Variants in ADAM17 observed in about 807,000 individuals in gnomAD.
ADAM17 encodes the protein disintegrin and metalloproteinase domain-containing protein 17.
ADAM17 carries 39 observed loss-of-function variants against 96.7 expected under a neutral mutation model. The observed-to-expected ratio is 0.40, with a 90% CI of 0.31 to 0.53. The LOEUF (loss-of-function observed/expected upper bound fraction) is 0.53, where lower values mean the gene tolerates loss of function less well. Among genes scored for constraint, ADAM17 ranks in the 20% least tolerant of loss-of-function variants. The pLI is 0.44. For missense variants in ADAM17, 777 were observed against 1,013.2 expected (o/e 0.77, Z 3.17); for synonymous variants, 344 against 359.2 (o/e 0.96, Z 0.48).
rs901070889 is a variant in ADAM17 at position 9,503,896 on chromosome 2, G to C, written c.1544+1270C>G. On this transcript the variant is annotated intron_variant, in intron 12 of 18. Coordinates refer to ENST00000310823, the MANE Select transcript of ADAM17 (RefSeq NM_003183.6). Reference sequence around the variant, plus strand: ...GGCCAGGCATGGTGCCTCATACCTAGAATCTCCACACTTTAGGAGGCTTAG... The same window carrying C: ...GGCCAGGCATGGTGCCTCATACCTACAATCTCCACACTTTAGGAGGCTTAG... Among the ~76,000 whole-genome samples the C allele has an allele frequency of 4.0e-5, 6 of 150,570 alleles. No homozygotes were observed. In the East Asian group the frequency reaches 1.2e-3, roughly 30 times the overall value.
intron 10 of ADAM17, 49 bp downstream of exon 10, chr2:9,517,852 C>T: frequency 1.6e-6 from 2 of 1,264,668 alleles, no homozygotes; most frequent in Non-Finnish European, 2.1e-6. Flanking sequence ...AACTGAGGTT[C>T]TACTACAATA....
At chr2:9,544,247 T>G (rs771287330) in intron 1 of ADAM17, among the ~76,000 whole-genome samples, 22 of 152,252 alleles carry the variant, frequency 1.4e-4, no homozygotes, top group Admixed American at 6.5e-4. Flanking sequence ...TATCAAAAGT[T>G]TCCCAAATGA....
At chr2:9,547,214 T>C (rs1291878717) in intron 1 of ADAM17, among the ~76,000 whole-genome samples, 1 of 152,198 alleles carries the variant, frequency 6.6e-6, no homozygotes, top group African/African-American at 2.4e-5. Flanking sequence ...TGCACACACA[T>C]TCTACACTTA....
chr2:9,526,850 C>A (rs1297047061), intron 5 of ADAM17, among the ~76,000 whole-genome samples: 1 of 152,054 alleles, frequency 6.6e-6, no homozygotes, highest in Non-Finnish European at 1.5e-5. Flanking sequence ...TCACCTAATG[C>A]TGGGCTATGA....
intron 7 of ADAM17, chr2:9,521,814 C>T (rs1664324087): frequency 1.0e-5 from 1 of 97,892 alleles, no homozygotes; most frequent in Non-Finnish European, 2.4e-5. Flanking sequence ...GGAAACCATG[C>T]TCAGCTCAGA....
chr2:9,526,078 T>C (rs1357508989), intron 6 of ADAM17, 33 bp downstream of exon 6: 5 of 1,564,372 alleles, frequency 3.2e-6, no homozygotes, highest in Non-Finnish European at 4.3e-6. Flanking sequence ...CAAATTTTTT[T>C]TTCAATTACT....
rs1441573878 is a variant in ADAM17, at chr2:9,488,938, A to G, written c.*1239T>C. The stretch of plus-strand genomic sequence containing the variant: ...AAAAGCTTTTAATGGCAATTTATAG[A>G]AATCAGAATCCAGGCTAATGATTTT... On this transcript the variant is annotated 3_prime_UTR_variant, in exon 19 of 19. Transcript: ENST00000310823. 1 of 152,230 alleles carries G rather than the reference A, an allele frequency of 6.6e-6. No individual in the cohort carries two copies. Among genetic ancestry groups the G allele is most frequent in the African/African-American group, 2.4e-5 (1 of 41,464 alleles). The allele number at this position is 152,230 out of a possible 1,614,324, so 9.4% of individuals were successfully genotyped here.
At chr2:9,518,893 AT>A (rs1348948847) in intron 8 of ADAM17, among the ~76,000 whole-genome samples, 1 of 91,198 alleles carries the variant, frequency 1.1e-5, no homozygotes, top group African/African-American at 3.5e-5. Flanking sequence ...AAAAACCTTA[AT>A]TTGGGGGGGG....
chr2:9,496,121 T>C (rs1206604701), intron 14 of ADAM17, among the ~76,000 whole-genome samples: 2 of 152,042 alleles, frequency 1.3e-5, no homozygotes, highest in African/African-American at 4.8e-5. Flanking sequence ...ATTTATTTTA[T>C]TTTTTACTTA....
In ADAM17 at chr2:9,554,976, G is replaced by T. The variant is rs540790514; in HGVS notation, c.97+533C>A. Among the ~76,000 whole-genome samples, 19 of 151,986 alleles carry T rather than the reference G, an allele frequency of 1.3e-4. No homozygotes were observed. In the South Asian group the frequency reaches 4.0e-3, roughly 32 times the overall value. ...AACCAAGAACGTGCTTAGGATGTTCGCAAAAACACAACTCTTAAGACTCCA... is the reference window on the plus strand; with the variant it reads ...AACCAAGAACGTGCTTAGGATGTTCTCAAAAACACAACTCTTAAGACTCCA... On this transcript the variant is annotated intron_variant, in intron 1 of 18. Transcript: ENST00000310823.
intron 1 of ADAM17, among the ~76,000 whole-genome samples, chr2:9,545,168 T>C (rs1665359949): frequency 6.6e-6 from 1 of 152,178 alleles, no homozygotes; most frequent in African/African-American, 2.4e-5. Flanking sequence ...AAAATGCAAA[T>C]GCTCAGGTCT....
rs1186144392 is a variant in ADAM17 at position 9,497,197 on chromosome 2, C to G, written c.1700G>C (p.Cys567Ser). The G allele has an allele frequency of 1.2e-6, 2 of 1,614,220 alleles. No individual in the cohort carries two copies. The highest frequency in any genetic ancestry group is 1.7e-6 in the Non-Finnish European group (2 of 1,180,024). ...ATCCTTACACTTGCCAAGATCCAAG[C>G]AAACAGTGTCATCTTCAGCATTTCC... ...PPGNAEDDTV[C>S]LDLGKCKDGK... The change falls in exon 14 of 19, where the codon TGC (cysteine) becomes TCC (serine). Residue 567 changes from cysteine (C) to serine (S), a missense_variant. Physicochemically the swap from Cys to Ser is moderately radical, Grantham distance 112 (BLOSUM62 -1). Transcript: ENST00000310823.
chr2:9,539,756 A>G (rs1665129134), intron 2 of ADAM17, among the ~76,000 whole-genome samples: 1 of 152,220 alleles, frequency 6.6e-6, no homozygotes, highest in South Asian at 2.1e-4. Context: ...AAGAAAGGGT[A>G]TGGGCTTTGG....
chr2:9,534,559 A>G (rs1664881735), intron 4 of ADAM17, among the ~76,000 whole-genome samples: 1 of 152,070 alleles, frequency 6.6e-6, no homozygotes, highest in Non-Finnish European at 1.5e-5. Flanking sequence ...CAAACAAACA[A>G]AACCCTAATT....
chr2:9,537,989 A>AGGGAG (rs1665050037), intron 2 of ADAM17, among the ~76,000 whole-genome samples: 1 of 7,590 alleles, frequency 1.3e-4, no homozygotes, highest in Non-Finnish European at 2.5e-4. Flanking sequence ...AGGGAGGGGA[A>AGGGAG]GGGAGGGGAG....
chr2:9,526,028 A>G, intron 6 of ADAM17, 83 bp downstream of exon 6: 1 of 1,280,320 alleles, frequency 7.8e-7, no homozygotes, highest in Non-Finnish European at 1.1e-6. Flanking sequence ...AGTATCTGGA[A>G]CAGATCTGGT....
Position 9,494,781 on chromosome 2 carries a change from C to T in ADAM17, c.1784-14G>A. 6.2e-7 allele frequency: 1 copy of T among 1,613,430 alleles called. No homozygotes were observed. The highest frequency in any genetic ancestry group is 8.5e-7 in the Non-Finnish European group (1 of 1,179,590). On this transcript the variant is annotated splice_polypyrimidine_tract_variant and intron_variant, in intron 14 of 18. Transcript: ENST00000310823. ...AGTTGTCAGTTTCTGGAACAGAGAACACGCATTGACAGCTGGATTGTTCTG... is the reference window on the plus strand; with the variant it reads ...AGTTGTCAGTTTCTGGAACAGAGAATACGCATTGACAGCTGGATTGTTCTG...
intron 4 of ADAM17, among the ~76,000 whole-genome samples, chr2:9,529,839 T>TGGGC (rs1664668544): frequency 6.6e-6 from 1 of 151,652 alleles, no homozygotes; most frequent in Non-Finnish European, 1.5e-5. Context: ...GGCATGGTGG[T>TGGGC]GGGCGCCTGT....
chr2:9,499,004 G>T (rs1419204087), intron 13 of ADAM17, among the ~76,000 whole-genome samples: 1 of 152,040 alleles, frequency 6.6e-6, no homozygotes, highest in African/African-American at 2.4e-5. Context: ...CACATTTTTT[G>T]ATGCAGTAGA....
Sources: gnomAD v4.1 joint callset for allele counts (sites outside exome capture counted in the v4.1 genomes callset) on GRCh38, gnomAD v4.1.1 for gene constraint, MANE v1.5 for transcripts, NCBI Gene and HGNC (gene_info 2026-07-23, HGNC 2026-07-21) for gene names.